Variants in ERC2 observed in about 807,000 individuals in gnomAD.
ERC2 encodes ERC protein 2.
Under a neutral mutation model 114.8 loss-of-function variants are expected in ERC2, and 42 were observed. That is an observed-to-expected ratio of 0.37 (90% CI 0.29 to 0.47). The LOEUF (loss-of-function observed/expected upper bound fraction) is 0.47. ERC2 is among the 20% of genes least tolerant of loss of function. The pLI is 0.99. For missense variants in ERC2, 939 were observed against 1,150.7 expected (o/e 0.82, Z 2.66); for synonymous variants, 454 against 425.5 (o/e 1.07, Z -0.82).
chr3:56,440,500 A>G lies in ERC2; in HGVS notation c.-140-5353T>C, dbSNP rs2062244182. 2.7e-5 allele frequency among the ~76,000 whole-genome samples: 4 copies of G among 150,940 alleles called. No individual in the cohort carries two copies. In the South Asian group the frequency reaches 8.4e-4, roughly 32 times the overall value. On this transcript the variant is annotated intron_variant, in intron 1 of 17. Transcript: ENST00000288221. ...GAGGCGGAGCTTGCAGTGAGCCAAGATCACGCCACTGAACTCCAGCCTGGG... is the reference window on the plus strand; with the variant it reads ...GAGGCGGAGCTTGCAGTGAGCCAAGGTCACGCCACTGAACTCCAGCCTGGG...
intron 2 of ERC2, among the ~76,000 whole-genome samples, chr3:56,356,979 A>C (rs1333946947): frequency 6.6e-6 from 1 of 152,240 alleles, no homozygotes; most frequent in Non-Finnish European, 1.5e-5. Flanking sequence ...ACTGTCTGAC[A>C]GTAGAGTTTA....
chr3:55,564,272 A>G (rs1184666648), intron 17 of ERC2, among the ~76,000 whole-genome samples: 1 of 152,218 alleles, frequency 6.6e-6, no homozygotes, highest in African/African-American at 2.4e-5. Context: ...AGAGGAAATG[A>G]AAAAGCTTGG....
intron 17 of ERC2, among the ~76,000 whole-genome samples, chr3:55,577,236 T>A (rs2057030790): frequency 6.6e-6 from 1 of 151,482 alleles, no homozygotes; most frequent in Admixed American, 6.6e-5. Context: ...TGCTACTTTT[T>A]AATTCTAAAT....
intron 2 of ERC2, among the ~76,000 whole-genome samples, chr3:56,299,127 T>G (rs56141627): frequency 0.52 from 57,324 of 110,708 alleles, 12,743 homozygotes; most frequent in East Asian, 0.74. Flanking sequence ...TTGTTTTTTT[T>G]TTTGTTTGTT....
At chr3:55,851,205 T>C (rs781356732) in intron 14 of ERC2, among the ~76,000 whole-genome samples, 32 of 151,898 alleles carry the variant, frequency 2.1e-4, no homozygotes, top group Admixed American at 6.6e-5. Flanking sequence ...ATGCTGGGAG[T>C]TGGTGGCAGG....
At chr3:56,006,752 T>C (rs937060030) in intron 10 of ERC2, among the ~76,000 whole-genome samples, 9 of 152,196 alleles carry the variant, frequency 5.9e-5, no homozygotes, top group African/African-American at 2.2e-4. Flanking sequence ...AAGTTAACAA[T>C]GTCAGAAAAG....
At chr3:55,806,921 G>A (rs546609340) in intron 14 of ERC2, among the ~76,000 whole-genome samples, 3 of 152,272 alleles carry the variant, frequency 2.0e-5, no homozygotes, top group Admixed American at 6.5e-5. Flanking sequence ...CATTCAGCAG[G>A]TATGCCTAAG....
chr3:55,954,932 G>A (rs1036639547), intron 12 of ERC2, among the ~76,000 whole-genome samples: 1 of 151,734 alleles, frequency 6.6e-6, no homozygotes, highest in South Asian at 2.1e-4. Flanking sequence ...TCCATCAGAA[G>A]GAAACTGAAG....
At chr3:56,361,759 G>A (rs1417310868) in intron 2 of ERC2, among the ~76,000 whole-genome samples, 1 of 152,206 alleles carries the variant, frequency 6.6e-6, no homozygotes, top group Non-Finnish European at 1.5e-5. Context: ...TCATATTACT[G>A]CAGGGACAGG....
chr3:55,897,136 T>C (rs1271946416), intron 13 of ERC2, among the ~76,000 whole-genome samples: 2 of 152,228 alleles, frequency 1.3e-5, no homozygotes, highest in Non-Finnish European at 2.9e-5. Flanking sequence ...ATCATTAACA[T>C]GTGTCGACTT....
chr3:55,793,049 A>T (rs1235592973), intron 14 of ERC2, among the ~76,000 whole-genome samples: 2 of 152,142 alleles, frequency 1.3e-5, no homozygotes, highest in Non-Finnish European at 2.9e-5. Context: ...ATAACTGTGG[A>T]TGCAATTTAT....
intron 17 of ERC2, among the ~76,000 whole-genome samples, chr3:55,572,555 A>G (rs985096967): frequency 1.3e-5 from 2 of 152,258 alleles, no homozygotes; most frequent in African/African-American, 2.4e-5. Context: ...GTTATTTTAC[A>G]CAAGCTCCTA....
Position 55,720,104 on chromosome 3 carries a change from CCCT to C in ERC2, c.2712+14664_2712+14666del, listed in dbSNP as rs1169565307. On this transcript the variant is annotated intron_variant, in intron 15 of 17. Coordinates refer to ENST00000288221, the MANE Select transcript of ERC2 (RefSeq NM_015576.3). ...CCCCCTTCCCCTCCCCCTCCCATCC[CCCT>C]CCTCCTCCTCCTCCTTCTTCTTCCT... 5.5e-3 allele frequency among the ~76,000 whole-genome samples: 153 copies of C among 27,592 alleles called. 26 individuals are homozygous for C. Among genetic ancestry groups the C allele is most frequent in the Non-Finnish European group, 0.011 (125 of 11,822 alleles). 18.1% of individuals were successfully genotyped at this position (27,592 alleles called of 152,430 possible). A position where few individuals can be genotyped will look rare whatever the true frequency, so the allele number is the denominator to read the frequency against.
intron 3 of ERC2, among the ~76,000 whole-genome samples, chr3:56,271,183 C>T (rs1279885972): frequency 6.6e-6 from 1 of 152,290 alleles, no homozygotes; most frequent in Admixed American, 6.5e-5. Flanking sequence ...GGCATGCACC[C>T]TAGTCCTCTA....
intron 17 of ERC2, among the ~76,000 whole-genome samples, chr3:55,648,645 C>G (rs1286449311): frequency 6.6e-6 from 1 of 152,042 alleles, no homozygotes; most frequent in East Asian, 1.9e-4. Flanking sequence ...AAGAGAGTCC[C>G]AAGAGGAAGG....
At chr3:56,267,120 C>T (rs2053362106) in intron 3 of ERC2, among the ~76,000 whole-genome samples, 1 of 152,042 alleles carries the variant, frequency 6.6e-6, no homozygotes, top group Non-Finnish European at 1.5e-5. Flanking sequence ...TTGAACATCC[C>T]AAATACAAAA....
At chr3:55,998,756 AT>A (rs1424514639) in intron 10 of ERC2, among the ~76,000 whole-genome samples, 1 of 152,044 alleles carries the variant, frequency 6.6e-6, no homozygotes, top group East Asian at 1.9e-4. Context: ...CATTAACAAG[AT>A]TTTTTTTCTA....
chr3:55,611,021 A>G (rs1299260106), intron 17 of ERC2: 3 of 152,246 alleles, frequency 2.0e-5, no homozygotes, highest in African/African-American at 4.8e-5. Flanking sequence ...TGATCTTTCC[A>G]GTAAACGCCT....
At chr3:56,019,346 G>A (rs1268803125) in intron 7 of ERC2, among the ~76,000 whole-genome samples, 2 of 152,050 alleles carry the variant, frequency 1.3e-5, no homozygotes, top group Non-Finnish European at 2.9e-5. Context: ...GTCTCAAGTC[G>A]ATAGGCTTGA....
Sources: gnomAD v4.1 joint callset for allele counts (sites outside exome capture counted in the v4.1 genomes callset) on GRCh38, gnomAD v4.1.1 for gene constraint, MANE v1.5 for transcripts, NCBI Gene and HGNC (gene_info 2026-07-23, HGNC 2026-07-21) for gene names.